The following ENKD1 variants were observed in gnomAD, a reference collection of about 807,000 sequenced individuals.
ENKD1 encodes enkurin domain containing 1, also known as enkurin domain-containing protein 1.
A neutral mutation model predicts 35.8 loss-of-function variants in ENKD1; 39 were observed. The observed-to-expected ratio is 1.09, with a 90% CI of 0.84 to 1.42. The LOEUF (loss-of-function observed/expected upper bound fraction) is 1.42. Among genes scored for constraint, ENKD1 ranks in the 40% most tolerant of loss-of-function variants. The probability of loss-of-function intolerance (pLI) is 0.00; values close to 1 mark genes in which losing one functional copy is unlikely to be tolerated. For synonymous variants in ENKD1, 205 were observed against 198.6 expected (o/e 1.03, Z -0.27); for missense variants, 474 against 471.3 (o/e 1.01, Z -0.05).
chr16:67,662,979 G>T lies in ENKD1; in HGVS notation c.*182C>A. 1 of 691,128 alleles carries T rather than the reference G, an allele frequency of 1.4e-6. No homozygotes were observed. Among genetic ancestry groups the T allele is most frequent in the Non-Finnish European group, 2.4e-6 (1 of 423,816 alleles). 42.8% of individuals were successfully genotyped at this position (691,128 alleles called of 1,614,324 possible). On this transcript the variant is annotated 3_prime_UTR_variant, in exon 7 of 7. Transcript: ENST00000243878. The surrounding 1 kb of genome is among the most constrained non-coding windows in gnomAD (Gnocchi z 6.9). The stretch of plus-strand genomic sequence containing the variant: ...CAAAATGTTTAATTTTGACAAAGCA[G>T]TTAAAAGGCTAGGGTGGCCCTTCTG...
At position 67,663,097 on chromosome 16, in the gene ENKD1, T is replaced by C; in HGVS notation, c.*64A>G. 1 of 1,591,944 alleles carries C rather than the reference T, an allele frequency of 6.3e-7. No individual in the cohort carries two copies. The highest frequency in any genetic ancestry group is 8.6e-7 in the Non-Finnish European group (1 of 1,167,856). On this transcript the variant is annotated 3_prime_UTR_variant, in exon 7 of 7. Transcript: ENST00000243878. ...TCTGCTCTGGGATTGGGTCCAACCC[T>C]GTCCTTTGCAGCCATGTGGCGATCC...
In ENKD1 at chr16:67,663,425, A is replaced by G. The variant is rs1020569460; in HGVS notation, c.875T>C (p.Leu292Pro). 2 of 1,613,118 alleles carry G rather than the reference A, an allele frequency of 1.2e-6. No homozygotes were observed. Among genetic ancestry groups the G allele is most frequent in the Non-Finnish European group, 1.7e-6 (2 of 1,179,868 alleles). ...NQRLETLTKL[L>P]QSQSQLLREL... ...CTCCCTGCCCAGGTACTCACTCTGG[A>G]GCAGCTTGGTCAGTGTTTCCAGCCG... Residue 292 changes from leucine (L) to proline (P), a missense_variant, in exon 6 of 7, where the codon CTC becomes CCC. Physicochemically the swap from Leu to Pro is moderately conservative, Grantham distance 98. Coordinates refer to ENST00000243878, the MANE Select transcript of ENKD1 (RefSeq NM_032140.3).
At position 67,662,977 on chromosome 16, in the gene ENKD1, C is replaced by G. The variant is rs2053050835; in HGVS notation, c.*184G>C. ...TACAAAATGTTTAATTTTGACAAAG[C>G]AGTTAAAAGGCTAGGGTGGCCCTTC... On this transcript the variant is annotated 3_prime_UTR_variant, in exon 7 of 7. Transcript: ENST00000243878. This position sits in a 1 kb window ranked among gnomAD's most constrained non-coding sequence, Gnocchi z 6.9. 7 of 676,904 alleles carry G rather than the reference C, an allele frequency of 1.0e-5. No individual in the cohort carries two copies. The highest frequency in any genetic ancestry group is 1.5e-5 in the Non-Finnish European group (6 of 411,766). The allele number at this position is 676,904 out of a possible 1,614,324, so 41.9% of individuals were successfully genotyped here.
chr16:67,663,147 T>A lies in ENKD1; in HGVS notation c.*14A>T. On this transcript the variant is annotated 3_prime_UTR_variant, in exon 7 of 7. Coordinates refer to ENST00000243878, the MANE Select transcript of ENKD1 (RefSeq NM_032140.3). ...CTCAGCATGGAGCTCCTTGCCACTG[T>A]CCCCCAAAGGGGCTCAGTCGTCCAT... is the stretch of plus-strand genomic sequence containing the variant. The A allele has an allele frequency of 6.2e-7, 1 of 1,613,604 alleles. No homozygotes were observed. The highest frequency in any genetic ancestry group is 8.5e-7 in the Non-Finnish European group (1 of 1,179,890).
At chr16:67,664,779 T>A (rs1265975760) in intron 3 of ENKD1, among the ~76,000 whole-genome samples, 1 of 152,288 alleles carries the variant, frequency 6.6e-6, no homozygotes, top group East Asian at 1.9e-4. Context: ...GAATGTTCTC[T>A]TCTGCTGTCC....
chr16:67,663,744 G>C lies in ENKD1; in HGVS notation c.656C>G (p.Ser219Ter). The C allele has an allele frequency of 1.2e-6, 2 of 1,612,272 alleles. No homozygotes were observed. The highest frequency in any genetic ancestry group is 1.1e-5 in the South Asian group (1 of 90,704). The part of the protein sequence containing the change: ...AKRAPRRHSC[S>*]LQVLAQVLEQ... ...TAGCACTTGTGCCAGGACCTGCAGT[G>C]AGCAGGAATGCCTCCGGGGGGCTCT... Residue 219 changes from serine (S) to a stop codon, truncating the protein, a stop_gained, in exon 5 of 7, where the codon TCA (serine) becomes TGA (stop). Coordinates refer to ENST00000243878, the MANE Select transcript of ENKD1 (RefSeq NM_032140.3). LOFTEE classifies it high-confidence loss of function.
intron 4 of ENKD1, 54 bp downstream of exon 4, chr16:67,663,883 C>T (rs143646110): frequency 1.3e-4 from 207 of 1,604,096 alleles, no homozygotes; most frequent in Non-Finnish European, 1.7e-4. Flanking sequence ...TGAACACCCC[C>T]CCCACACCAG....
chr16:67,663,142 C>G lies in ENKD1; in HGVS notation c.*19G>C, dbSNP rs751536397. 9 of 1,613,332 alleles carry G rather than the reference C, an allele frequency of 5.6e-6. No homozygotes were observed. Among genetic ancestry groups the G allele is most frequent in the Admixed American group, 3.3e-5 (2 of 59,998 alleles). On this transcript the variant is annotated 3_prime_UTR_variant, in exon 7 of 7. Coordinates refer to ENST00000243878, the MANE Select transcript of ENKD1 (RefSeq NM_032140.3). ...CGATCCTCAGCATGGAGCTCCTTGC[C>G]ACTGTCCCCCAAAGGGGCTCAGTCG...
intron 2 of ENKD1, 56 bp downstream of exon 2, chr16:67,666,015 G>C (rs1364512173): frequency 6.4e-7 from 1 of 1,551,856 alleles, no homozygotes; most frequent in Non-Finnish European, 8.8e-7. Flanking sequence ...AGCTGCTTTT[G>C]ATCTCTTTCC....
In ENKD1 at chr16:67,664,015, C is replaced by T. The variant is rs748469532; in HGVS notation, c.501G>A (p.Ala167=). Residue 167 remains alanine (A), a synonymous_variant, in exon 4 of 7, where the codon GCG becomes GCA. Coordinates refer to ENST00000243878, the MANE Select transcript of ENKD1 (RefSeq NM_032140.3). Reference sequence around the variant, plus strand: ...GGAGGCCAGGGCCGCAGCGGGAGTGCGCCCGCAGGAAGTGGGCAGACTCTG... The same window carrying T: ...GGAGGCCAGGGCCGCAGCGGGAGTGTGCCCGCAGGAAGTGGGCAGACTCTG... ...SGTESAHFLR[A]HSRCGPGLPP... 8.9e-6 allele frequency: 14 copies of T among 1,569,576 alleles called. No individual in the cohort carries two copies. Among genetic ancestry groups the T allele is most frequent in the East Asian group, 7.0e-5 (3 of 42,694 alleles).
intron 6 of ENKD1, 22 bp from the exon 7 acceptor site, chr16:67,663,343 T>A (rs753653278): frequency 6.2e-7 from 1 of 1,612,908 alleles, no homozygotes. Context: ...CCGGGAACAG[T>A]GAGAACAGTG....
At chr16:67,664,145 C>G (rs2053070033) in intron 3 of ENKD1, 83 bp from the exon 4 acceptor site, 1 of 1,289,334 alleles carries the variant, frequency 7.8e-7, no homozygotes, top group South Asian at 1.3e-5. Flanking sequence ...CTTGGCCCTT[C>G]TGACCTTTGC....
rs778432021 is a variant in ENKD1 at position 67,663,200 on chromosome 16, G to C, written c.1002C>G (p.Ile334Met). The change falls in exon 7 of 7, where the codon ATC (isoleucine) becomes ATG (methionine). Residue 334 changes from isoleucine to methionine, a missense_variant. Physicochemically the swap from Ile to Met is conservative, Grantham distance 10. Coordinates refer to ENST00000243878, the MANE Select transcript of ENKD1 (RefSeq NM_032140.3). ...KLVQVEEAIK[I>M]FSRPKVFVKM... ...TCACGAAGACTTTGGGCCGAGAAAA[G>C]ATCTTGATGGCCTCCTCTACCTGCA... 7.4e-6 allele frequency: 12 copies of C among 1,614,110 alleles called. No homozygotes were observed. Among genetic ancestry groups the C allele is most frequent in the Non-Finnish European group, 1.0e-5 (12 of 1,180,042 alleles).
chr16:67,665,335 C>T (rs2142986524), intron 2 of ENKD1, among the ~76,000 whole-genome samples, 167 bp from the exon 3 acceptor site: 1 of 152,182 alleles, frequency 6.6e-6, no homozygotes, highest in East Asian at 1.9e-4. Context: ...TGTTCCCTTC[C>T]TCATGTAGTA....
chr16:67,663,856 G>C (rs780711476), intron 4 of ENKD1, 36 bp from the exon 5 acceptor site: 1 of 1,601,340 alleles, frequency 6.2e-7, no homozygotes, highest in Non-Finnish European at 8.5e-7. Context: ...GGGGCAGACA[G>C]CATTATGTTG....
chr16:67,666,576 G>T lies in ENKD1; in HGVS notation c.-134C>A. On this transcript the variant is annotated 5_prime_UTR_variant, in exon 1 of 7. Coordinates refer to ENST00000243878, the MANE Select transcript of ENKD1 (RefSeq NM_032140.3). ...ACCCTGGCGTGCCCGCCACTCCCGG[G>T]CCCCTGCCGGTCCCCGCCTGGGCCC... 1.2e-6 allele frequency: 1 copy of T among 823,284 alleles called. No homozygotes were observed. Among genetic ancestry groups the T allele is most frequent in the Non-Finnish European group, 1.7e-6 (1 of 574,498 alleles). The allele number at this position is 823,284 out of a possible 1,614,324, so 51.0% of individuals were successfully genotyped here.
In ENKD1 at chr16:67,663,460, A is replaced by G. The variant is rs2053057919; in HGVS notation, c.840T>C (p.Pro280=). The G allele has an allele frequency of 6.2e-7, 1 of 1,613,198 alleles. No individual in the cohort carries two copies. Among genetic ancestry groups the G allele is most frequent in the South Asian group, 1.1e-5 (1 of 91,080 alleles). The part of the protein sequence containing the change: ...PAMPPGHTRM[P]ENQRLETLTK... ...TCAGTGTTTCCAGCCGCTGGTTCTC[A>G]GGCATGCGCGTGTGGCCTGGGGGCA... Residue 280 remains proline, a synonymous_variant, in exon 6 of 7, where the codon CCT becomes CCC. Transcript: ENST00000243878.
rs970568286 is a variant in ENKD1 at position 67,666,610 on chromosome 16, C to A, written c.-168G>T. 153 of 594,486 alleles carry A rather than the reference C, an allele frequency of 2.6e-4. No individual in the cohort carries two copies. The highest frequency in any genetic ancestry group is 3.7e-4 in the Non-Finnish European group (136 of 367,790). The allele number at this position is 594,486 out of a possible 1,614,324, so 36.8% of individuals were successfully genotyped here. On this transcript the variant is annotated 5_prime_UTR_variant, in exon 1 of 7. Transcript: ENST00000243878. ...GGTCCCCGCCTGGGCCCCGGCCTCG[C>A]TCGCCACCTCCGCGACCTCTGCTCC... is the stretch of plus-strand genomic sequence containing the variant.
At position 67,663,479 on chromosome 16, in the gene ENKD1, G is replaced by C. The variant is rs778814794; in HGVS notation, c.821C>G (p.Pro274Arg). The C allele has an allele frequency of 1.9e-6, 3 of 1,613,002 alleles. No individual in the cohort carries two copies. In the African/African-American group the frequency reaches 4.0e-5, roughly 22 times the overall value. ...GTTCTCAGGCATGCGCGTGTGGCCT[G>C]GGGGCATGGCAGGGTCCGGCTGGCT... ...KQSQPDPAMPPGHTRMPENQR... is the reference protein window; with the variant it reads ...KQSQPDPAMPRGHTRMPENQR... Residue 274 changes from proline (P) to arginine (R), a missense_variant, in exon 6 of 7, where the codon CCA becomes CGA. By Grantham distance (103) the Pro-to-Arg change is moderately radical. Coordinates refer to ENST00000243878, the MANE Select transcript of ENKD1 (RefSeq NM_032140.3).
Sources: allele counts gnomAD v4.1 joint callset (sites outside exome capture counted in the v4.1 genomes callset), GRCh38; gene constraint gnomAD v4.1.1; non-coding constraint Gnocchi (gnomAD v3.1); transcripts MANE v1.5; gene names NCBI Gene and HGNC (gene_info 2026-07-23, HGNC 2026-07-21).